Variants in RAD52 observed in about 807,000 individuals in gnomAD.
The protein encoded by RAD52 is RAD52 DNA repair protein.
RAD52 carries 47 observed loss-of-function variants against 55.5 expected under a neutral mutation model. The ratio of observed to expected loss-of-function variants is 0.85; its 90% CI spans 0.67 to 1.08. The LOEUF (loss-of-function observed/expected upper bound fraction) is 1.08, where lower values mean the gene tolerates loss of function less well. Among genes scored for constraint, RAD52 ranks in the 50% least tolerant of loss-of-function variants. RAD52 has a pLI of 0.00. For missense variants in RAD52, 468 were observed against 522.8 expected, an observed-to-expected ratio of 0.90 and a Z score of 1.02; for synonymous variants, 184 against 198.9, an observed-to-expected ratio of 0.92 and a Z score of 0.63.
intron 1 of RAD52, chr12:949,287 C>G (rs548766611): frequency 6.6e-6 from 1 of 152,384 alleles, no homozygotes; most frequent in Non-Finnish European, 1.5e-5. Context: ...ATTCCCCACG[C>G]CTGTCTGCAG....
At chr12:945,993 A>G (rs1031019524) in intron 1 of RAD52, among the ~76,000 whole-genome samples, 4 of 151,946 alleles carry the variant, frequency 2.6e-5, no homozygotes, top group African/African-American at 9.7e-5. Flanking sequence ...ACCGCACTCC[A>G]GCCTGGGCGA....
At chr12:959,365 G>A (rs1028048557) in intron 1 of RAD52, among the ~76,000 whole-genome samples, 1 of 152,166 alleles carries the variant, frequency 6.6e-6, no homozygotes, top group Non-Finnish European at 1.5e-5. Context: ...CCCCTATCAG[G>A]AGTGAGCATT....
chr12:970,206 G>A lies in RAD52; in HGVS notation c.-19+19603C>T, dbSNP rs1958824495. On this transcript the variant is annotated intron_variant, in intron 1 of 11. Coordinates refer to the RAD52 transcript ENST00000430095. Reference sequence around the variant, plus strand: ...CCTGTGATCCCAGCTACCTGGGTGGGGCAGGGGGGTGCTGAGGCAGGAGAA... The same window carrying A: ...CCTGTGATCCCAGCTACCTGGGTGGAGCAGGGGGGTGCTGAGGCAGGAGAA... Among the ~76,000 whole-genome samples the A allele has an allele frequency of 2.0e-5, 3 of 151,122 alleles. No homozygotes were observed. The Admixed American group carries it at 2.0e-4, about 10-fold the overall frequency.
intron 1 of RAD52, among the ~76,000 whole-genome samples, chr12:969,461 A>G (rs1032392849): frequency 6.6e-6 from 1 of 151,966 alleles, no homozygotes; most frequent in Non-Finnish European, 1.5e-5. Flanking sequence ...TATAATCACA[A>G]TTTATTACAT....
intron 5 of RAD52, among the ~76,000 whole-genome samples, chr12:927,867 GA>G (rs554734829): frequency 1.7e-4 from 24 of 144,174 alleles, no homozygotes; most frequent in African/African-American, 2.5e-4. Flanking sequence ...CTACGTCTTG[GA>G]AAAAAAAAAA....
chr12:970,154 A>G (rs2154121189), intron 1 of RAD52, among the ~76,000 whole-genome samples: 1 of 152,030 alleles, frequency 6.6e-6, no homozygotes, highest in Admixed American at 6.6e-5. Flanking sequence ...TAAAAATACA[A>G]AAATTAGCCG....
chr12:919,200 C>G lies in RAD52; in HGVS notation c.544-2380G>C, dbSNP rs548260565. Among the ~76,000 whole-genome samples the G allele has an allele frequency of 5.9e-5, 9 of 152,294 alleles. No individual in the cohort carries two copies. The South Asian group carries it at 1.9e-3, about 32-fold the overall frequency. The stretch of plus-strand genomic sequence containing the variant: ...GTGGCTCATGCCTGTAATCCCAACA[C>G]TTTGGGAGGCTGAGGCAGGTGGATC... On this transcript the variant is annotated intron_variant, in intron 7 of 11. Transcript: ENST00000358495.
intron 1 of RAD52, among the ~76,000 whole-genome samples, chr12:971,531 G>A (rs1441871495): frequency 6.6e-6 from 1 of 152,040 alleles, no homozygotes; most frequent in African/African-American, 2.4e-5. Context: ...GAATAAACCT[G>A]AGAAAGCCTT....
At chr12:920,613 T>C (rs1956674105) in intron 7 of RAD52, among the ~76,000 whole-genome samples, 1 of 151,794 alleles carries the variant, frequency 6.6e-6, no homozygotes, top group Admixed American at 6.6e-5. Flanking sequence ...ATTATAAATA[T>C]TTATGCACCA....
intron 9 of RAD52, 179 bp downstream of exon 9, chr12:916,165 A>G: frequency 1.5e-6 from 2 of 1,359,814 alleles, no homozygotes; most frequent in Non-Finnish European, 1.9e-6. Context: ...GGGAAAATGT[A>G]CAGCAGATTT....
At chr12:946,926 C>G (rs906551372) in intron 1 of RAD52, among the ~76,000 whole-genome samples, 2 of 152,224 alleles carry the variant, frequency 1.3e-5, no homozygotes, top group Non-Finnish European at 2.9e-5. Context: ...ACAGCAATCT[C>G]TGACGGTTTC....
intron 1 of RAD52, among the ~76,000 whole-genome samples, chr12:942,503 T>C (rs1957971836): frequency 6.6e-6 from 1 of 152,142 alleles, no homozygotes; most frequent in African/African-American, 2.4e-5. Context: ...AATCCCAGCA[T>C]GTTGGGAGAC....
chr12:963,676 T>C (rs1958717721), intron 1 of RAD52, among the ~76,000 whole-genome samples: 1 of 152,114 alleles, frequency 6.6e-6, no homozygotes, highest in African/African-American at 2.4e-5. Flanking sequence ...TAAAATTATA[T>C]ATTCTAACTG....
upstream of RAD52, among the ~76,000 whole-genome samples, chr12:990,790 G>A (rs1432285192): frequency 6.6e-6 from 1 of 152,128 alleles, no homozygotes; most frequent in Non-Finnish European, 1.5e-5. Flanking sequence ...GAAGTAGGGG[G>A]TGGGGCGCCG....
At chr12:934,223 T>C (rs1957489995) in intron 1 of RAD52, among the ~76,000 whole-genome samples, 1 of 151,910 alleles carries the variant, frequency 6.6e-6, no homozygotes, top group East Asian at 1.9e-4. Flanking sequence ...TCCCAGCACT[T>C]TGGGAGGCTG....
chr12:974,375 TAGTA>T (rs1958909134), intron 1 of RAD52: 1 of 152,178 alleles, frequency 6.6e-6, no homozygotes, highest in Non-Finnish European at 1.5e-5. Flanking sequence ...TTTTCTTCTC[TAGTA>T]AGAGGGAGGC....
intron 1 of RAD52, among the ~76,000 whole-genome samples, chr12:978,794 C>T (rs1434285853): frequency 6.6e-6 from 1 of 151,882 alleles, no homozygotes; most frequent in Non-Finnish European, 1.5e-5. Flanking sequence ...ATTGCTTGAA[C>T]CCAGGAGGCA....
chr12:983,102 A>C (rs1418397829), intron 1 of RAD52, among the ~76,000 whole-genome samples: 3 of 151,970 alleles, frequency 2.0e-5, no homozygotes, highest in African/African-American at 7.3e-5. Flanking sequence ...CGCCCGCCTC[A>C]GCCTCCCGAA....
At position 913,249 on chromosome 12, in the gene RAD52, A is replaced by G. The variant is rs1565641869; in HGVS notation, c.*142T>C. The stretch of plus-strand genomic sequence containing the variant: ...CTAACTGCAGTGGGCTCTCAGTCAG[A>G]TCCTCTTGATAAGGTTCAGAATGAA... On this transcript the variant is annotated 3_prime_UTR_variant, in exon 12 of 12. Transcript: ENST00000358495. 1 of 724,204 alleles carries G rather than the reference A, an allele frequency of 1.4e-6. No individual in the cohort carries two copies. The highest frequency in any genetic ancestry group is 1.8e-5 in the African/African-American group (1 of 56,134). The allele number at this position is 724,204 out of a possible 1,614,324, so 44.9% of individuals were successfully genotyped here.
Sources: allele counts gnomAD v4.1 joint callset (sites outside exome capture counted in the v4.1 genomes callset), GRCh38; gene constraint gnomAD v4.1.1; transcripts MANE v1.5; gene names NCBI Gene and HGNC (gene_info 2026-07-23, HGNC 2026-07-21).